Variants in TMEM165 observed in about 807,000 individuals in gnomAD.
TMEM165 encodes the protein transmembrane protein 165, also known as putative divalent cation/proton antiporter TMEM165.
TMEM165 carries 19 observed loss-of-function variants against 30.0 expected under a neutral mutation model. The observed-to-expected ratio is 0.63, with a 90% CI of 0.44 to 0.93. The LOEUF (loss-of-function observed/expected upper bound fraction) is 0.93. Ranked by LOEUF, TMEM165 falls within the 40% of genes least tolerant of loss-of-function variation. TMEM165 has a pLI of 0.00. For synonymous variants in TMEM165, 168 were observed against 162.9 expected (o/e 1.03, Z -0.24); for missense variants, 340 against 417.0 (o/e 0.82, Z 1.61).
intron 3 of TMEM165, among the ~76,000 whole-genome samples, chr4:55,446,886 T>C (rs1225359025): frequency 1.3e-5 from 2 of 152,204 alleles, no homozygotes; most frequent in East Asian, 3.8e-4. Context: ...CAAAGCTTTT[T>C]AACTCTATCT....
intron 3 of TMEM165, among the ~76,000 whole-genome samples, chr4:55,436,842 A>AGGGGTAT (rs1553889183): frequency 3.5e-5 from 5 of 144,226 alleles, no homozygotes; most frequent in Admixed American, 2.1e-4. Context: ...TGTATTTATG[A>AGGGGTAT]GGGGTATTGC....
downstream of TMEM165, among the ~76,000 whole-genome samples, chr4:55,427,723 T>G (rs936179054): frequency 1.3e-5 from 2 of 152,218 alleles, no homozygotes; most frequent in Admixed American, 1.3e-4. Flanking sequence ...TCAGTTCAGG[T>G]AGCTTGGTCC....
At chr4:55,427,378 T>TGTC (rs1560400724), downstream of TMEM165, among the ~76,000 whole-genome samples, 6 of 149,830 alleles carry the variant, frequency 4.0e-5, no homozygotes, top group African/African-American at 1.5e-4. Context: ...TATCTCACTC[T>TGTC]GTCACCTGGG....
intron 2 of TMEM165, chr4:55,415,842 T>C (rs760920625): frequency 5.9e-5 from 9 of 151,846 alleles, no homozygotes; most frequent in Non-Finnish European, 1.2e-4. Flanking sequence ...AAAGAGTAAT[T>C]GTATTTTTCT....
chr4:55,435,438 G>C lies in TMEM165; in HGVS notation c.408+10795G>C, dbSNP rs1722801402. 3 of 1,614,006 alleles carry C rather than the reference G, an allele frequency of 1.9e-6. No homozygotes were observed. In the South Asian group the frequency reaches 3.3e-5, roughly 18 times the overall value. ...TGCTACTGTGGTTGAACCTTGGAAG[G>C]GTCGGGCAAGCTGTCAGTCCTGTGC... On this transcript the variant is annotated intron_variant, in intron 3 of 3. Transcript: ENST00000608091.
At chr4:55,412,595 A>T (rs554969634) in intron 2 of TMEM165, 1 of 152,038 alleles carries the variant, frequency 6.6e-6, no homozygotes, top group Non-Finnish European at 1.5e-5. Context: ...CCTTAATTTT[A>T]CTCTAATGAT....
intron 4 of TMEM165, among the ~76,000 whole-genome samples, chr4:55,420,108 T>A (rs762776105): frequency 0.21 from 5,930 of 28,136 alleles, 771 homozygotes; most frequent in African/African-American, 0.42. Context: ...GAAAAAAAAA[T>A]ATATATATAT....
intron 3 of TMEM165, among the ~76,000 whole-genome samples, chr4:55,448,614 G>GCA (rs1371513798): frequency 8.4e-6 from 1 of 118,998 alleles, no homozygotes; most frequent in African/African-American, 4.0e-5. Context: ...GTGTGTGTGT[G>GCA]TGTGTGTGTG....
intron 2 of TMEM165, among the ~76,000 whole-genome samples, chr4:55,415,025 G>T (rs1721666049): frequency 6.6e-6 from 1 of 152,180 alleles, no homozygotes; most frequent in Non-Finnish European, 1.5e-5. Context: ...AATCTGTAGG[G>T]ATATACTTAA....
intron 2 of TMEM165, chr4:55,415,627 T>A (rs952497516): frequency 6.6e-6 from 1 of 152,196 alleles, no homozygotes; most frequent in African/African-American, 2.4e-5. Context: ...TACACATACA[T>A]ATATACAAAT....
intron 3 of TMEM165, 100 bp downstream of exon 3, chr4:55,417,347 G>C (rs989655624): frequency 8.3e-7 from 1 of 1,200,436 alleles, no homozygotes; most frequent in Non-Finnish European, 1.2e-6. Context: ...GATATGCGGG[G>C]CTACACAAAA....
intron 1 of TMEM165, among the ~76,000 whole-genome samples, chr4:55,410,764 T>C (rs1721461183): frequency 6.6e-6 from 1 of 152,208 alleles, no homozygotes; most frequent in Non-Finnish European, 1.5e-5. Flanking sequence ...CCTGGGTCTT[T>C]CATGCAAGTT....
In TMEM165 at chr4:55,403,397, A is replaced by G. The variant is rs567093223; in HGVS notation, c.207+7001A>G. 5.7e-4 allele frequency: 490 copies of G among 857,336 alleles called. 8 individuals carry two copies. The African/African-American group carries it at 0.01, about 18-fold the overall frequency. The allele number at this position is 857,336 out of a possible 1,614,324, so 53.1% of individuals were successfully genotyped here. ...TGTTTATTTGAACTCTAGAACTAGA[A>G]AAGGAATTACTTTTTTCTTTGATTT... On this transcript the variant is annotated intron_variant, in intron 1 of 5. Transcript: ENST00000381334.
intron 3 of TMEM165, chr4:55,450,098 G>A (rs768160085): frequency 1.2e-6 from 2 of 1,614,114 alleles, no homozygotes; most frequent in South Asian, 1.1e-5. Context: ...CACAGGAAGG[G>A]TCTGAGACGG....
intron 1 of TMEM165, among the ~76,000 whole-genome samples, chr4:55,400,604 A>AT (rs1236278788): frequency 6.8e-6 from 1 of 147,064 alleles, no homozygotes; most frequent in African/African-American, 2.7e-5. Flanking sequence ...TGCCCGCCTA[A>AT]TTTTTTGTAT....
chr4:55,402,388 C>CGTGT (rs375368106), intron 1 of TMEM165, among the ~76,000 whole-genome samples: 580 of 27,858 alleles, frequency 0.021, 39 homozygotes, highest in East Asian at 0.061. Flanking sequence ...TAAGTGCGTG[C>CGTGT]GTGTGTGTGT....
rs1181794671 is a variant in TMEM165 at position 55,420,106 on chromosome 4, A to T, written c.792+2121A>T. On this transcript the variant is annotated intron_variant, in intron 4 of 5. Transcript: ENST00000381334. ...GTGAGACACTATCTTAAGAAAAAAA[A>T]ATATATATATATATACATATATATT... Among the ~76,000 whole-genome samples the T allele has an allele frequency of 1.6e-3, 74 of 45,462 alleles. 7 individuals are homozygous for T. Among genetic ancestry groups the T allele is most frequent in the African/African-American group, 3.9e-3 (47 of 12,148 alleles). 29.8% of individuals were successfully genotyped at this position (45,462 alleles called of 152,430 possible). A position where few individuals can be genotyped will look rare whatever the true frequency, so the allele number is the denominator to read the frequency against.
chr4:55,411,932 G>T (rs1721519539), intron 2 of TMEM165, 93 bp downstream of exon 2: 2 of 1,246,682 alleles, frequency 1.6e-6, no homozygotes. Flanking sequence ...CTAGTCTTAT[G>T]GGAATTTGGC....
At chr4:55,440,176 T>C (rs1450069437) in intron 3 of TMEM165, among the ~76,000 whole-genome samples, 2 of 152,232 alleles carry the variant, frequency 1.3e-5, no homozygotes, top group African/African-American at 2.4e-5. Flanking sequence ...TCTAGGTTTA[T>C]AGAAGAAATT....
Sources: gnomAD v4.1 joint callset for allele counts (sites outside exome capture counted in the v4.1 genomes callset) on GRCh38, gnomAD v4.1.1 for gene constraint, MANE v1.5 for transcripts, NCBI Gene and HGNC (gene_info 2026-07-23, HGNC 2026-07-21) for gene names.